The following NR1H2 variants were observed in gnomAD, a reference collection of about 807,000 sequenced individuals.
The protein encoded by NR1H2 is oxysterols receptor LXR-beta.
Under a neutral mutation model 51.2 loss-of-function variants are expected in NR1H2, and 33 were observed. The ratio of observed to expected loss-of-function variants is 0.64; its 90% confidence interval spans 0.49 to 0.86. The LOEUF is 0.86. Ranked by LOEUF, NR1H2 falls within the 40% of genes least tolerant of loss-of-function variation. The pLI is 0.00. For synonymous variants in NR1H2, 310 were observed against 264.3 expected (o/e 1.17, Z -1.68); for missense variants, 592 against 639.9 (o/e 0.93, Z 0.81).
Position 50,382,626 on chromosome 19 carries a change from G to C in NR1H2, c.*24G>C. 1 of 1,528,652 alleles carries C rather than the reference G, an allele frequency of 6.5e-7. No individual in the cohort carries two copies. Among genetic ancestry groups the C allele is most frequent in the Admixed American group, 2.0e-5 (1 of 48,808 alleles). 94.7% of individuals were successfully genotyped at this position (1,528,652 alleles called of 1,614,324 possible). A position where few individuals can be genotyped will look rare whatever the true frequency, so the allele number is the denominator to read the frequency against. On this transcript the variant is annotated 3_prime_UTR_variant, in exon 10 of 10. Transcript: ENST00000253727. ...GAGGGGCTGGCCACCCAGCCCCACA[G>C]CCTTGCCTGACCACCCTCCAGCAGA...
Position 50,378,211 on chromosome 19 carries a change from C to A in NR1H2, c.244C>A (p.Leu82Met), listed in dbSNP as rs374204164. ...KRKKGPAPKM[L>M]GHELCRVCGD... Reference sequence around the variant, plus strand: ...AAAGAAGGGCCCAGCCCCGAAGATGCTGGGCCACGAGCTTTGCCGTGTCTG... The same window carrying A: ...AAAGAAGGGCCCAGCCCCGAAGATGATGGGCCACGAGCTTTGCCGTGTCTG... The change falls in exon 5 of 10, where the codon CTG becomes ATG. Residue 82 changes from leucine to methionine, a missense_variant. Around this residue, in one of 3 missense-constraint regions of NR1H2, gnomAD observed 316 missense variants for 313.4 expected, o/e 1.01. Coordinates refer to ENST00000253727, the MANE Select transcript of NR1H2 (RefSeq NM_007121.7). 1.2e-6 allele frequency: 2 copies of A among 1,613,492 alleles called. No homozygotes were observed. The highest frequency in any genetic ancestry group is 1.7e-6 in the Non-Finnish European group (2 of 1,179,988).
chr19:50,378,960 C>G, intron 6 of NR1H2, 42 bp from the exon 7 acceptor site: 1 of 1,567,232 alleles, frequency 6.4e-7, no homozygotes, highest in African/African-American at 1.4e-5. Flanking sequence ...CAGACTTAGG[C>G]TCACAAAGAC....
In NR1H2 at chr19:50,378,575, G is replaced by C. The variant is rs75450723; in HGVS notation, c.526G>C (p.Glu176Gln). Residue 176 changes from glutamate (E) to glutamine (Q), a missense_variant, in exon 6 of 10, where the codon GAG becomes CAG. Coordinates refer to ENST00000253727, the MANE Select transcript of NR1H2 (RefSeq NM_007121.7). ...RKKKIRKQQQ[E>Q]SQSQSQSPVG... ...GAAGAAGATTCGGAAACAGCAGCAG[G>C]AGTCACAGTCACAGTCGCAGTCACC... 2 of 1,375,608 alleles carry C rather than the reference G, an allele frequency of 1.5e-6. No homozygotes were observed. The highest frequency in any genetic ancestry group is 1.9e-4 in the Middle Eastern group (1 of 5,144). 85.2% of individuals were successfully genotyped at this position (1,375,608 alleles called of 1,614,324 possible).
chr19:50,380,516 T>C (rs958913672), intron 8 of NR1H2, among the ~76,000 whole-genome samples: 22 of 152,140 alleles, frequency 1.4e-4, no homozygotes, highest in Non-Finnish European at 2.9e-4. Flanking sequence ...CGCTCCCTCA[T>C]TGTCCCACAA....
chr19:50,379,588 G>A (rs2037732150), intron 7 of NR1H2, among the ~76,000 whole-genome samples, 192 bp from the exon 8 acceptor site: 2 of 152,136 alleles, frequency 1.3e-5, no homozygotes, highest in African/African-American at 4.8e-5. Context: ...CAGCATGTGC[G>A]GAAGCCTGAA....
Position 50,378,264 on chromosome 19 carries a change from C to T in NR1H2, c.297C>T (p.Tyr99=). ...VCGDKASGFH[Y]NVLSCEGCKG... ...GGGACAAGGCCTCCGGCTTCCACTA[C>T]AACGTGCTCAGCTGCGAAGGCTGCA... Residue 99 remains tyrosine, a synonymous_variant, in exon 5 of 10, where the codon TAC becomes TAT. Transcript: ENST00000253727. The T allele has an allele frequency of 6.2e-7, 1 of 1,613,632 alleles. No individual in the cohort carries two copies. The highest frequency in any genetic ancestry group is 8.5e-7 in the Non-Finnish European group (1 of 1,180,042).
chr19:50,378,070 G>A (rs1245567453), intron 4 of NR1H2, 79 bp from the exon 5 acceptor site: 6 of 1,486,622 alleles, frequency 4.0e-6, no homozygotes, highest in African/African-American at 2.8e-5. Context: ...CTCTTTGCCT[G>A]GGGATCTCCT....
intron 8 of NR1H2, among the ~76,000 whole-genome samples, chr19:50,381,348 G>T (rs2037762056): frequency 6.6e-6 from 1 of 152,194 alleles, no homozygotes; most frequent in Admixed American, 6.5e-5. Flanking sequence ...AGCCTTCCCT[G>T]CCCGCCTTGT....
In NR1H2 at chr19:50,382,433, C is replaced by T. The variant is rs368856751; in HGVS notation, c.1237-23C>T. On this transcript the variant is annotated intron_variant, in intron 9 of 9. Transcript: ENST00000253727. ...CCTGGCAGGGCAGGGGCTCAGCCAG[C>T]GCCCACCTGCCTCCTCCCTCAGGAC... The T allele has an allele frequency of 1.2e-4, 194 of 1,567,420 alleles. No individual in the cohort carries two copies. In the African/African-American group the frequency reaches 2.4e-3, roughly 19 times the overall value.
At position 50,382,175 on chromosome 19, in the gene NR1H2, G is replaced by A; in HGVS notation, c.1236+1G>A. The stretch of plus-strand genomic sequence containing the variant: ...CTACACGCGCATCAAGAGGCCGCAG[G>A]TAGGGCCCCGCAGAGCCTCTGCGCA... On this transcript the variant is annotated splice_donor_variant, in intron 9 of 9. Transcript: ENST00000253727. LOFTEE classifies it high-confidence loss of function. 6.6e-7 allele frequency: 1 copy of A among 1,526,590 alleles called. No homozygotes were observed. The highest frequency in any genetic ancestry group is 8.8e-7 in the Non-Finnish European group (1 of 1,140,822). 94.6% of individuals were successfully genotyped at this position (1,526,590 alleles called of 1,614,324 possible).
chr19:50,382,079 G>T lies in NR1H2; in HGVS notation c.1141G>T (p.Asp381Tyr), dbSNP rs764763512. 1 of 1,551,408 alleles carries T rather than the reference G, an allele frequency of 6.4e-7. No individual in the cohort carries two copies. The highest frequency in any genetic ancestry group is 8.7e-7 in the Non-Finnish European group (1 of 1,148,232). Reference sequence around the variant, plus strand: ...CATCGCCATCAACATCTTCTCGGCCGACCGGCCCAACGTGCAGGAGCCGGG... The same window carrying T: ...CATCGCCATCAACATCTTCTCGGCCTACCGGCCCAACGTGCAGGAGCCGGG... Reference protein sequence around the residue: ...LLIAINIFSADRPNVQEPGRV... With the variant: ...LLIAINIFSAYRPNVQEPGRV... The change falls in exon 9 of 10, where the codon GAC (aspartate) becomes TAC (tyrosine). Residue 381 changes from aspartate (D) to tyrosine (Y), a missense_variant. Coordinates refer to ENST00000253727, the MANE Select transcript of NR1H2 (RefSeq NM_007121.7).
rs11538795 is a variant in NR1H2, at chr19:50,382,902, C to T, written c.*300C>T. On this transcript the variant is annotated 3_prime_UTR_variant, in exon 10 of 10. Transcript: ENST00000253727. ...CACCTTGAACAGAGGGAGGGGAGGA[C>T]CCATGGCTCTCCCCCCTAGCCCGGG... 437 of 297,212 alleles carry T rather than the reference C, an allele frequency of 1.5e-3. 2 individuals carry two copies. The highest frequency in any genetic ancestry group is 2.1e-3 in the Admixed American group (42 of 20,270). 18.4% of individuals were successfully genotyped at this position (297,212 alleles called of 1,614,324 possible).
chr19:50,377,790 G>A lies in NR1H2; in HGVS notation c.101G>A (p.Gly34Asp). The A allele has an allele frequency of 1.2e-6, 2 of 1,610,718 alleles. No individual in the cohort carries two copies. The highest frequency in any genetic ancestry group is 1.7e-6 in the Non-Finnish European group (2 of 1,178,522). The change falls in exon 4 of 10, where the codon GGT (glycine) becomes GAT (aspartate). Residue 34 changes from glycine (G) to aspartate (D), a missense_variant. Gly to Asp is a moderately conservative substitution (Grantham distance 94). Coordinates refer to ENST00000253727, the MANE Select transcript of NR1H2 (RefSeq NM_007121.7). ...TCTTCACCCACTGTAAAGGAGGAGG[G>A]TCCGGAGCCGTGGCCCGGGGGTCCG... is the stretch of plus-strand genomic sequence containing the variant. ...PSSSPTVKEEGPEPWPGGPDP... is the reference protein window; with the variant it reads ...PSSSPTVKEEDPEPWPGGPDP...
In NR1H2 at chr19:50,382,954, T is replaced by G. The variant is rs41483344; in HGVS notation, c.*352T>G. 5.0e-3 allele frequency: 1,021 copies of G among 202,848 alleles called. 11 individuals carry two copies. The highest frequency in any genetic ancestry group is 0.022 in the African/African-American group (960 of 43,444). 12.6% of individuals were successfully genotyped at this position (202,848 alleles called of 1,614,324 possible). ...GACCAGGGCCTTCCTCTTCCTCTGC[T>G]TTTATTTAATAAAAACTAAAAACAG... On this transcript the variant is annotated 3_prime_UTR_variant, in exon 10 of 10. Transcript: ENST00000253727.
intron 8 of NR1H2, among the ~76,000 whole-genome samples, chr19:50,380,588 C>G (rs1601143014): frequency 6.6e-6 from 1 of 152,228 alleles, no homozygotes; most frequent in Non-Finnish European, 1.5e-5. Flanking sequence ...TCCCCTTCCT[C>G]TTACTCCGGC....
chr19:50,379,027 A>G lies in NR1H2; in HGVS notation c.773A>G (p.Gln258Arg), dbSNP rs762249902. Reference sequence around the variant, plus strand: ...CCCTGGCCCCTGGGCGCAGACCCCCAGTCCCGAGATGCCCGCCAGCAACGC... The same window carrying G: ...CCCTGGCCCCTGGGCGCAGACCCCCGGTCCCGAGATGCCCGCCAGCAACGC... ...VTPWPLGADP[Q>R]SRDARQQRFA... The change falls in exon 7 of 10, where the codon CAG (glutamine) becomes CGG (arginine). Residue 258 changes from glutamine (Q) to arginine (R), a missense_variant. By Grantham distance (43) the Gln-to-Arg change is conservative (BLOSUM62 1). This residue lies in a region of NR1H2 where 102 missense variants were observed against 152.4 expected (regional missense o/e 0.67). Coordinates refer to ENST00000253727, the MANE Select transcript of NR1H2 (RefSeq NM_007121.7). 6.2e-7 allele frequency: 1 copy of G among 1,612,294 alleles called. No individual in the cohort carries two copies. The highest frequency in any genetic ancestry group is 1.7e-5 in the Admixed American group (1 of 59,906).
Position 50,377,774 on chromosome 19 carries a change from A to T in NR1H2, c.85A>T (p.Thr29Ser). The change falls in exon 4 of 10, where the codon ACT (threonine) becomes TCT (serine). Residue 29 changes from threonine to serine, a missense_variant. Transcript: ENST00000253727. ...GCCTGGCGCCCCTTCTTCTTCACCCACTGTAAAGGAGGAGGGTCCGGAGCC... is the reference window on the plus strand; with the variant it reads ...GCCTGGCGCCCCTTCTTCTTCACCCTCTGTAAAGGAGGAGGGTCCGGAGCC... ...PQPGAPSSSP[T>S]VKEEGPEPWP... 6.2e-7 allele frequency: 1 copy of T among 1,608,760 alleles called. No homozygotes were observed. The highest frequency in any genetic ancestry group is 8.5e-7 in the Non-Finnish European group (1 of 1,177,820).
In NR1H2 at chr19:50,382,590, C is replaced by T. The variant is rs763075053; in HGVS notation, c.1371C>T (p.Asp457=). The T allele has an allele frequency of 2.1e-5, 33 of 1,582,896 alleles. No individual in the cohort carries two copies. The highest frequency in any genetic ancestry group is 2.5e-5 in the Non-Finnish European group (29 of 1,165,594). The change falls in exon 10 of 10, where the codon GAC becomes GAT. Residue 457 remains aspartate (D), a synonymous_variant. Coordinates refer to ENST00000253727, the MANE Select transcript of NR1H2 (RefSeq NM_007121.7). Reference sequence around the variant, plus strand: ...CGCCTCTGCTGTCGGAGATCTGGGACGTCCACGAGTGAGGGGCTGGCCACC... The same window carrying T: ...CGCCTCTGCTGTCGGAGATCTGGGATGTCCACGAGTGAGGGGCTGGCCACC... ...KLPPLLSEIW[D]VHE
chr19:50,377,932 A>T, intron 4 of NR1H2, 62 bp downstream of exon 4: 1 of 1,498,200 alleles, frequency 6.7e-7, no homozygotes. Flanking sequence ...GGGAGAAAGA[A>T]ATAGAAATGG....
Sources: gnomAD v4.1 joint callset for allele counts (sites outside exome capture counted in the v4.1 genomes callset) on GRCh38, gnomAD v4.1.1 for gene constraint, gnomAD v4.1.1 regional missense constraint, MANE v1.5 for transcripts, NCBI Gene and HGNC (gene_info 2026-07-23, HGNC 2026-07-21) for gene names.